Variants in PTPRQ observed in about 807,000 individuals in gnomAD.
PTPRQ encodes phosphatidylinositol phosphatase PTPRQ.
Under a neutral mutation model 246.0 loss-of-function variants are expected in PTPRQ, and 199 were observed. The ratio of observed to expected loss-of-function variants is 0.81; its 90% CI spans 0.72 to 0.91. The LOEUF is 0.91. Among genes scored for constraint, PTPRQ ranks in the 40% least tolerant of loss-of-function variants. The pLI is 0.00. For synonymous variants in PTPRQ, 869 were observed against 853.2 expected, an observed-to-expected ratio of 1.02 and a Z score of -0.32; for missense variants, 2,624 against 2,528.4, an observed-to-expected ratio of 1.04 and a Z score of -0.81.
At chr12:80,530,760 T>TG (rs746215841) in intron 17 of PTPRQ, among the ~76,000 whole-genome samples, 52 of 152,214 alleles carry the variant, frequency 3.4e-4, no homozygotes, top group Non-Finnish European at 5.9e-4. Flanking sequence ...TTTGTCAAAA[T>TG]GGGTACTCTC....
At chr12:80,668,038 A>T (rs1054083876) in intron 39 of PTPRQ, among the ~76,000 whole-genome samples, 1 of 151,960 alleles carries the variant, frequency 6.6e-6, no homozygotes, top group Admixed American at 6.6e-5. Context: ...GGAAAATTTA[A>T]ATATATGTTA....
Position 80,620,752 on chromosome 12 carries a change from T to C in PTPRQ, c.5612+376T>C, listed in dbSNP as rs371925622. Among the ~76,000 whole-genome samples, 75 of 151,972 alleles carry C rather than the reference T, an allele frequency of 4.9e-4. No individual in the cohort carries two copies. In the East Asian group the frequency reaches 8.9e-3, roughly 18 times the overall value. Reference sequence around the variant, plus strand: ...ACCATCCATGCTGATGTACAGGATTTTTGAAACACTATCCTATCCTTTGAT... The same window carrying C: ...ACCATCCATGCTGATGTACAGGATTCTTGAAACACTATCCTATCCTTTGAT... On this transcript the variant is annotated intron_variant, in intron 32 of 44. Transcript: ENST00000644991.
At chr12:80,588,578 C>A in intron 26 of PTPRQ, 126 bp downstream of exon 26, 1 of 1,031,944 alleles carries the variant, frequency 9.7e-7, no homozygotes, top group East Asian at 3.1e-5. Flanking sequence ...GAGGACACTA[C>A]CATATATAAC....
intron 26 of PTPRQ, among the ~76,000 whole-genome samples, chr12:80,591,168 C>G (rs1042320437): frequency 6.9e-6 from 1 of 145,914 alleles, no homozygotes; most frequent in African/African-American, 2.6e-5. Context: ...TTCTTTCACC[C>G]AGGCTGGGGT....
intron 25 of PTPRQ, among the ~76,000 whole-genome samples, chr12:80,567,169 T>C (rs1395547496): frequency 2.0e-5 from 3 of 152,198 alleles, no homozygotes; most frequent in Non-Finnish European, 4.4e-5. Context: ...CTTTCTAATA[T>C]GGATGTATGA....
intron 8 of PTPRQ, among the ~76,000 whole-genome samples, chr12:80,476,052 T>G (rs1259859780): frequency 6.6e-6 from 1 of 152,044 alleles, no homozygotes; most frequent in African/African-American, 2.4e-5. Context: ...TAGCTGTTTT[T>G]TTTTTTTCAG....
At chr12:80,581,746 A>G (rs962791550) in intron 25 of PTPRQ, among the ~76,000 whole-genome samples, 2 of 152,228 alleles carry the variant, frequency 1.3e-5, no homozygotes, top group African/African-American at 4.8e-5. Context: ...AAAAGGTTAT[A>G]TTAAAGGCTT....
intron 17 of PTPRQ, among the ~76,000 whole-genome samples, chr12:80,519,674 A>G (rs1895411781): frequency 1.3e-5 from 2 of 152,198 alleles, no homozygotes; most frequent in African/African-American, 4.8e-5. Context: ...TGTATGTAAC[A>G]AACGATCCAT....
In PTPRQ at chr12:80,628,903, G is replaced by GTC. The variant is rs974485155; in HGVS notation, c.5687-3287_5687-3286dup. Reference sequence around the variant, plus strand: ...CAATTTTAAATAGTGTGCTGTGTTAGTCTGCTCAGGCTGCCATCACAAAAT... The same window carrying GTC: ...CAATTTTAAATAGTGTGCTGTGTTAGTCTCTGCTCAGGCTGCCATCACAAAAT... On this transcript the variant is annotated intron_variant, in intron 33 of 44. Coordinates refer to ENST00000644991, the MANE Select transcript of PTPRQ (RefSeq NM_001145026.2). 4.3e-4 allele frequency among the ~76,000 whole-genome samples: 65 copies of GTC among 152,058 alleles called. 1 individual carries two copies. Among genetic ancestry groups the GTC allele is most frequent in the African/African-American group, 1.5e-3 (63 of 41,486 alleles).
chr12:80,474,364 T>C (rs1893746758), intron 8 of PTPRQ, among the ~76,000 whole-genome samples: 1 of 152,206 alleles, frequency 6.6e-6, no homozygotes. Context: ...AAATTACCTT[T>C]TAAAACAATT....
chr12:80,479,776 A>C (rs867388190), intron 8 of PTPRQ, among the ~76,000 whole-genome samples: 1 of 152,046 alleles, frequency 6.6e-6, no homozygotes, highest in Non-Finnish European at 1.5e-5. Context: ...AAAAGAGACA[A>C]AGAAGGCCAT....
At position 80,444,303 on chromosome 12, in the gene PTPRQ, A is replaced by C. The variant is rs1408891342; in HGVS notation, c.-43A>C. ...ATTAATGCAGGCAACATTTCTCTCT[A>C]GAGCCATCAATGTGATTCTACTGGC... On this transcript the variant is annotated 5_prime_UTR_variant, in exon 1 of 45. Transcript: ENST00000644991. 7 of 998,014 alleles carry C rather than the reference A, an allele frequency of 7.0e-6. No individual in the cohort carries two copies. Among genetic ancestry groups the C allele is most frequent in the Non-Finnish European group, 1.1e-5 (7 of 646,252 alleles). 61.8% of individuals were successfully genotyped at this position (998,014 alleles called of 1,614,324 possible).
intron 33 of PTPRQ, among the ~76,000 whole-genome samples, chr12:80,630,862 G>A (rs1249055691): frequency 1.1e-4 from 16 of 152,046 alleles, no homozygotes; most frequent in South Asian, 2.1e-4. Context: ...GATTACAGGC[G>A]CCTGCCACCA....
At chr12:80,506,965 G>A (rs773068538) in intron 16 of PTPRQ, among the ~76,000 whole-genome samples, 3 of 151,960 alleles carry the variant, frequency 2.0e-5, no homozygotes, top group Admixed American at 6.6e-5. Context: ...TGGTTTGAAC[G>A]TTAACTGATA....
chr12:80,524,036 A>C (rs1336620070), intron 17 of PTPRQ, among the ~76,000 whole-genome samples: 3 of 152,174 alleles, frequency 2.0e-5, no homozygotes, highest in African/African-American at 7.2e-5. Context: ...TGGTTTATGA[A>C]TCTGGTTGCT....
intron 26 of PTPRQ, among the ~76,000 whole-genome samples, chr12:80,594,742 T>C (rs1897912675): frequency 6.6e-6 from 1 of 152,064 alleles, no homozygotes; most frequent in Non-Finnish European, 1.5e-5. Context: ...CTGAGTCCTA[T>C]TGTATTTACC....
At chr12:80,645,310 G>A (rs1669294536) in intron 35 of PTPRQ, among the ~76,000 whole-genome samples, 1 of 151,962 alleles carries the variant, frequency 6.6e-6, no homozygotes, top group South Asian at 2.1e-4. Context: ...CATGCTTTTT[G>A]TTGATAAATC....
At chr12:80,653,973 A>C (rs12312943) in intron 38 of PTPRQ, among the ~76,000 whole-genome samples, 2 of 138,244 alleles carry the variant, frequency 1.4e-5, no homozygotes, top group African/African-American at 6.8e-5. Context: ...AACAAGACTC[A>C]GTCAGAGGAA....
At chr12:80,658,765 G>A (rs906477179) in intron 39 of PTPRQ, among the ~76,000 whole-genome samples, 22 of 151,860 alleles carry the variant, frequency 1.4e-4, no homozygotes, top group Admixed American at 1.4e-3. Flanking sequence ...TGCATAGCAA[G>A]CTTAACCATC....
Sources: allele counts gnomAD v4.1 joint callset (sites outside exome capture counted in the v4.1 genomes callset), GRCh38; gene constraint gnomAD v4.1.1; transcripts MANE v1.5; gene names NCBI Gene and HGNC (gene_info 2026-07-23, HGNC 2026-07-21).